Variants in AGT observed in about 807,000 individuals in gnomAD.
AGT encodes the protein alpha-1 antiproteinase, antitrypsin.
AGT carries 26 observed loss-of-function variants against 28.1 expected under a neutral mutation model. The observed-to-expected ratio is 0.92, with a 90% CI of 0.68 to 1.28. The LOEUF is 1.28. Ranked by LOEUF, AGT falls within the 50% of genes most tolerant of loss-of-function variation. The probability of loss-of-function intolerance (pLI) is 0.00; values close to 1 mark genes in which losing one functional copy is unlikely to be tolerated. For missense variants in AGT, 596 were observed against 592.3 expected, an observed-to-expected ratio of 1.01 and a Z score of -0.06; for synonymous variants, 259 against 259.6, an observed-to-expected ratio of 1.00 and a Z score of 0.02.
intron 1 of AGT, among the ~76,000 whole-genome samples, chr1:230,730,490 G>T (rs780545710): frequency 6.6e-6 from 1 of 152,062 alleles, no homozygotes. Flanking sequence ...CTTGAGGCTC[G>T]CTTTGGGTTT....
In AGT at chr1:230,703,470, G is replaced by A. The variant is rs574211807; in HGVS notation, c.1243-141C>T. 1,059 of 865,752 alleles carry A rather than the reference G, an allele frequency of 1.2e-3. 13 individuals are homozygous for A. In the South Asian group the frequency reaches 0.014, roughly 12 times the overall value. 53.6% of individuals were successfully genotyped at this position (865,752 alleles called of 1,614,324 possible). On this transcript the variant is annotated intron_variant, in intron 4 of 4. Coordinates refer to ENST00000366667, the MANE Select transcript of AGT (RefSeq NM_001384479.1). ...GGGACATTTTCCAGCCTGCCAGGAGGATGCACAGTGTATGCCTGCCCCTCA... is the reference window on the plus strand; with the variant it reads ...GGGACATTTTCCAGCCTGCCAGGAGAATGCACAGTGTATGCCTGCCCCTCA...
At chr1:230,742,277 CT>C (rs1237076573) in intron 1 of AGT, among the ~76,000 whole-genome samples, 1 of 152,140 alleles carries the variant, frequency 6.6e-6, no homozygotes, top group African/African-American at 2.4e-5. Context: ...TCCACAAATG[CT>C]GGCATACTCT....
chr1:230,721,739 A>G (rs7524189), intron 1 of AGT, among the ~76,000 whole-genome samples: 26,752 of 152,176 alleles, frequency 0.18, 3,117 homozygotes, highest in East Asian at 0.49. Flanking sequence ...TTAGCAAAGA[A>G]ACTGGCAGCA....
In AGT at chr1:230,710,319, G is replaced by A. The variant is rs773557296; in HGVS notation, c.505C>T (p.His169Tyr). 1.2e-5 allele frequency: 19 copies of A among 1,614,072 alleles called. No individual in the cohort carries two copies. The highest frequency in any genetic ancestry group is 6.6e-5 in the South Asian group (6 of 91,082). ...GCCTGCAGGGCAGACAGGACCTTGT[G>A]CGCATCCAGCCGGGAGGTGCAGTTC... ...DKNCTSRLDA[H>Y]KVLSALQAVQ... The change falls in exon 2 of 5, where the codon CAC becomes TAC. Residue 169 changes from histidine to tyrosine, a missense_variant. Coordinates refer to ENST00000366667, the MANE Select transcript of AGT (RefSeq NM_001384479.1).
In AGT at chr1:230,744,540, G is replaced by T. The variant is rs557914309; in HGVS notation, c.-31+975C>A. Among the ~76,000 whole-genome samples, 37 of 152,344 alleles carry T rather than the reference G, an allele frequency of 2.4e-4. No homozygotes were observed. The South Asian group carries it at 7.7e-3, about 32-fold the overall frequency. The stretch of plus-strand genomic sequence containing the variant: ...ACATTCTCAGAGTCCCAGAGTGTTA[G>T]GGGGCAGGAGGAATTCCAGCTGTGG... On this transcript the variant is annotated intron_variant, in intron 1 of 4. Transcript: ENST00000681269.
chr1:230,711,453 C>T (rs1438442848), intron 1 of AGT, among the ~76,000 whole-genome samples: 1 of 152,144 alleles, frequency 6.6e-6, no homozygotes, highest in South Asian at 2.1e-4. Flanking sequence ...GTACTTATGG[C>T]AGCCCAAGCA....
intron 1 of AGT, among the ~76,000 whole-genome samples, chr1:230,739,949 T>C (rs2102807373): frequency 6.6e-6 from 1 of 152,252 alleles, no homozygotes; most frequent in Middle Eastern, 3.4e-3. Flanking sequence ...TATAAAGACG[T>C]AAAGAAAGAA....
intron 1 of AGT, among the ~76,000 whole-genome samples, chr1:230,740,824 C>T (rs1030691577): frequency 3.9e-5 from 6 of 152,196 alleles, no homozygotes; most frequent in Admixed American, 1.3e-4. Flanking sequence ...TGGCACACGC[C>T]TGTAGTCCTA....
rs748047212 is a variant in AGT, at chr1:230,710,830, C to T, written c.-7G>A. ...TCACACCGGCAGGAGCCATCTCAGA[C>T]TGGGGTGCTCGCTTCCGCATACCCT... On this transcript the variant is annotated 5_prime_UTR_variant, in exon 2 of 5. Transcript: ENST00000366667. The T allele has an allele frequency of 5.0e-6, 8 of 1,613,792 alleles. No homozygotes were observed. In the East Asian group the frequency reaches 1.8e-4, roughly 36 times the overall value.
At chr1:230,724,161 A>G (rs1424927975) in intron 1 of AGT, among the ~76,000 whole-genome samples, 1 of 152,342 alleles carries the variant, frequency 6.6e-6, no homozygotes, top group East Asian at 1.9e-4. Context: ...CTACAACAGC[A>G]CAGTTGAGTT....
At position 230,706,327 on chromosome 1, in the gene AGT, C is replaced by T. The variant is rs144187453; in HGVS notation, c.830-127G>A. 7.2e-5 allele frequency: 75 copies of T among 1,046,884 alleles called. 2 individuals are homozygous for T. The South Asian group carries it at 1.2e-3, about 16-fold the overall frequency. The allele number at this position is 1,046,884 out of a possible 1,614,324, so 64.8% of individuals were successfully genotyped here. A position where few individuals can be genotyped will look rare whatever the true frequency, so the allele number is the denominator to read the frequency against. On this transcript the variant is annotated intron_variant, in intron 2 of 4. Transcript: ENST00000366667. ...CCTCAGCCTCCTTCCTTGGCCCCCC[C>T]CAGGCCACTCTGCATTCTCCTGGCC... is the stretch of plus-strand genomic sequence containing the variant.
At chr1:230,717,879 A>C (rs891595140), upstream of AGT, among the ~76,000 whole-genome samples, 3 of 152,184 alleles carry the variant, frequency 2.0e-5, no homozygotes, top group African/African-American at 7.2e-5. Context: ...AATTTTCTTA[A>C]GTTGGCTCAC....
upstream of AGT, among the ~76,000 whole-genome samples, chr1:230,718,976 A>T (rs950090772): frequency 6.6e-6 from 1 of 152,038 alleles, no homozygotes; most frequent in African/African-American, 2.4e-5. Context: ...TGATCTGCCC[A>T]CCTCAGCCTC....
chr1:230,714,484 A>T (rs1191651057), upstream of AGT, among the ~76,000 whole-genome samples: 4 of 152,146 alleles, frequency 2.6e-5, no homozygotes, highest in Non-Finnish European at 5.9e-5. Context: ...TACCCCCAAG[A>T]GGCCACAGGG....
At chr1:230,716,486 A>G (rs1272246902), upstream of AGT, among the ~76,000 whole-genome samples, 1 of 152,178 alleles carries the variant, frequency 6.6e-6, no homozygotes, top group African/African-American at 2.4e-5. Flanking sequence ...TCCCCACCCA[A>G]ATCTCCAATT....
At chr1:230,726,593 A>AT (rs1261181337) in intron 1 of AGT, among the ~76,000 whole-genome samples, 1 of 152,188 alleles carries the variant, frequency 6.6e-6, no homozygotes, top group Admixed American at 6.5e-5. Context: ...TTAAAAAAAA[A>AT]CATAGTAAGC....
chr1:230,704,178 C>G lies in AGT; in HGVS notation c.1242+15G>C, dbSNP rs753328059. ...TTGGAACCCAGGTCAGGCACAGACACAGGCTCACACATACCTCCCCCACCC... is the reference window on the plus strand; with the variant it reads ...TTGGAACCCAGGTCAGGCACAGACAGAGGCTCACACATACCTCCCCCACCC... On this transcript the variant is annotated intron_variant, in intron 4 of 4. Transcript: ENST00000366667. 4 of 1,614,160 alleles carry G rather than the reference C, an allele frequency of 2.5e-6. No homozygotes were observed. The highest frequency in any genetic ancestry group is 1.7e-5 in the Admixed American group (1 of 60,016).
intron 1 of AGT, among the ~76,000 whole-genome samples, chr1:230,744,117 T>C (rs1664299010): frequency 6.6e-6 from 1 of 152,234 alleles, no homozygotes. Context: ...CATGATTCTC[T>C]GCCCAAGCTC....
At chr1:230,706,578 A>T (rs1663393490) in intron 2 of AGT, among the ~76,000 whole-genome samples, 1 of 152,158 alleles carries the variant, frequency 6.6e-6, no homozygotes. Context: ...CTCACTTTTT[A>T]AAAAATTTAA....
Sources: allele counts gnomAD v4.1 joint callset (sites outside exome capture counted in the v4.1 genomes callset), GRCh38; gene constraint gnomAD v4.1.1; transcripts MANE v1.5; gene names NCBI Gene and HGNC (gene_info 2026-07-23, HGNC 2026-07-21).